Variants in LINGO2 observed in about 807,000 individuals in gnomAD.
LINGO2 encodes the protein leucine-rich repeat and immunoglobulin-like domain-containing nogo receptor-interacting protein 2.
LINGO2 carries 14 observed loss-of-function variants against 30.6 expected under a neutral mutation model. The observed-to-expected ratio is 0.46, with a 90% CI of 0.30 to 0.72. The LOEUF (loss-of-function observed/expected upper bound fraction) is 0.72. Among genes scored for constraint, LINGO2 ranks in the 30% least tolerant of loss-of-function variants. The pLI, the probability that LINGO2 is intolerant of heterozygous loss-of-function variation, is 0.07. For missense variants in LINGO2, 729 were observed against 751.7 expected (o/e 0.97, Z 0.35); for synonymous variants, 317 against 288.5 (o/e 1.10, Z -1.00).
At chr9:28,313,945 T>G (rs974582338) in intron 3 of LINGO2, among the ~76,000 whole-genome samples, 2 of 152,158 alleles carry the variant, frequency 1.3e-5, no homozygotes, top group African/African-American at 2.4e-5. Flanking sequence ...GATTTTTTTT[T>G]TTGTTTTAGA....
At chr9:28,259,965 A>G (rs1381112580) in intron 4 of LINGO2, among the ~76,000 whole-genome samples, 1 of 151,896 alleles carries the variant, frequency 6.6e-6, no homozygotes, top group African/African-American at 2.4e-5. Flanking sequence ...AAGACTATTT[A>G]TTCCACAATT....
intron 1 of LINGO2, among the ~76,000 whole-genome samples, chr9:28,591,333 CTGAT>C (rs897906403): frequency 5.3e-5 from 8 of 151,828 alleles, no homozygotes; most frequent in African/African-American, 1.9e-4. Context: ...ATAAAAGTCA[CTGAT>C]TGGGAGATTC....
At chr9:29,085,155 A>T in the LINGO2 span, among the ~76,000 whole-genome samples, 1,106 of 151,940 alleles carry the variant, frequency 7.3e-3, 18 homozygotes, top group African/African-American at 0.025. Flanking sequence ...TAGCTGCAGG[A>T]TTCAAAATTA....
the LINGO2 span, among the ~76,000 whole-genome samples, chr9:29,155,030 G>A: frequency 6.6e-6 from 1 of 152,128 alleles, no homozygotes; most frequent in Non-Finnish European, 1.5e-5. Context: ...ATAATGTCAT[G>A]TGCTTTGGAG....
intron 1 of LINGO2, among the ~76,000 whole-genome samples, chr9:28,496,198 C>A (rs1819619112): frequency 4.6e-5 from 7 of 152,074 alleles, no homozygotes; most frequent in Admixed American, 3.9e-4. Flanking sequence ...GAGCTGAGTT[C>A]AATTCCTGGA....
the LINGO2 span, among the ~76,000 whole-genome samples, chr9:29,006,463 G>C: frequency 1.3e-5 from 2 of 152,012 alleles, no homozygotes; most frequent in African/African-American, 4.8e-5. Flanking sequence ...CTGGCATACA[G>C]ACTTTTAAGA....
the LINGO2 span, among the ~76,000 whole-genome samples, chr9:28,954,862 G>A: frequency 7.2e-5 from 11 of 152,206 alleles, no homozygotes; most frequent in South Asian, 2.1e-4. Flanking sequence ...CATCACTCTC[G>A]TGAGTTAGAA....
At chr9:28,205,869 C>G (rs777962875) in intron 4 of LINGO2, among the ~76,000 whole-genome samples, 8 of 152,104 alleles carry the variant, frequency 5.3e-5, no homozygotes, top group Non-Finnish European at 1.0e-4. Context: ...ATGCTGATCT[C>G]CAATCTACTC....
chr9:29,084,518 G>A, the LINGO2 span, among the ~76,000 whole-genome samples: 1 of 151,954 alleles, frequency 6.6e-6, no homozygotes, highest in African/African-American at 2.4e-5. Flanking sequence ...AAAGTCATTA[G>A]GACAGGTTTT....
the LINGO2 span, among the ~76,000 whole-genome samples, chr9:28,874,287 G>A: frequency 6.6e-6 from 1 of 151,862 alleles, no homozygotes; most frequent in Non-Finnish European, 1.5e-5. Context: ...GTACTCAGTG[G>A]TTCTACGTAA....
the LINGO2 span, among the ~76,000 whole-genome samples, chr9:29,078,641 C>T: frequency 5.9e-5 from 9 of 151,870 alleles, no homozygotes; most frequent in African/African-American, 9.7e-5. Flanking sequence ...CATATACATT[C>T]GGATATACGT....
the LINGO2 span, among the ~76,000 whole-genome samples, chr9:29,016,985 A>G: frequency 3.9e-5 from 6 of 152,154 alleles, no homozygotes; most frequent in Non-Finnish European, 8.8e-5. Context: ...ACTTCACTCA[A>G]TCTCTAAACA....
At chr9:29,107,324 G>A in the LINGO2 span, among the ~76,000 whole-genome samples, 4 of 152,118 alleles carry the variant, frequency 2.6e-5, no homozygotes, top group African/African-American at 9.6e-5. Flanking sequence ...ATAAGTAATT[G>A]AAAAATAATA....
intron 2 of LINGO2, among the ~76,000 whole-genome samples, chr9:28,378,811 G>A (rs1224866004): frequency 3.3e-5 from 5 of 152,084 alleles, no homozygotes; most frequent in Non-Finnish European, 7.4e-5. Flanking sequence ...GACTTATAAT[G>A]CAAGTACACC....
intron 5 of LINGO2, among the ~76,000 whole-genome samples, chr9:27,956,077 T>C (rs1819551373): frequency 9.8e-6 from 1 of 102,086 alleles, no homozygotes; most frequent in Admixed American, 9.7e-5. Context: ...GTAGCTGGGA[T>C]CACAAGGCGT....
At chr9:27,987,250 T>C (rs529757316) in intron 5 of LINGO2, among the ~76,000 whole-genome samples, 6 of 152,010 alleles carry the variant, frequency 3.9e-5, no homozygotes, top group Non-Finnish European at 7.4e-5. Flanking sequence ...GCAATGTGGC[T>C]AAATATGTCT....
rs115525658 is a variant in LINGO2 at position 27,977,480 on chromosome 9, C to T, written c.-35-26774G>A. ...TTACCTTTTGCACTTCTCCAGATTACGACGACTCCCTGACTACAAGTATAA... is the reference window on the plus strand; with the variant it reads ...TTACCTTTTGCACTTCTCCAGATTATGACGACTCCCTGACTACAAGTATAA... On this transcript the variant is annotated intron_variant, in intron 5 of 5. Transcript: ENST00000379992. Among the ~76,000 whole-genome samples, 152 of 151,978 alleles carry T rather than the reference C, an allele frequency of 1.0e-3. 1 individual carries two copies. The South Asian group carries it at 0.012, about 12-fold the overall frequency.
At chr9:28,294,873 C>T (rs956296490) in intron 4 of LINGO2, among the ~76,000 whole-genome samples, 2 of 152,158 alleles carry the variant, frequency 1.3e-5, no homozygotes, top group South Asian at 4.1e-4. Context: ...AACGGCAACA[C>T]TTTCTCTAAT....
At chr9:28,471,248 T>G (rs937861560) in intron 2 of LINGO2, among the ~76,000 whole-genome samples, 9 of 152,162 alleles carry the variant, frequency 5.9e-5, no homozygotes, top group Non-Finnish European at 1.2e-4. Flanking sequence ...GAGGTCCAAG[T>G]GCATACTAGC....
Sources: gnomAD v4.1 joint callset for allele counts (sites outside exome capture counted in the v4.1 genomes callset) on GRCh38, gnomAD v4.1.1 for gene constraint, MANE v1.5 for transcripts, NCBI Gene and HGNC (gene_info 2026-07-23, HGNC 2026-07-21) for gene names.